The following ARHGEF4 variants were observed in gnomAD, a reference collection of about 807,000 sequenced individuals.
ARHGEF4 encodes APC-stimulated guanine nucleotide exchange factor 1.
A neutral mutation model predicts 162.0 loss-of-function variants in ARHGEF4; 119 were observed. The observed-to-expected ratio is 0.73, with a 90% CI of 0.63 to 0.86. ARHGEF4 has a LOEUF of 0.86. Ranked by LOEUF, ARHGEF4 falls within the 40% of genes least tolerant of loss-of-function variation. The pLI, the probability that ARHGEF4 is intolerant of heterozygous loss-of-function variation, is 0.00. For missense variants in ARHGEF4, 2,488 were observed against 2,456.0 expected (o/e 1.01, Z -0.28); for synonymous variants, 1,014 against 979.9 (o/e 1.03, Z -0.65).
chr2:131,028,682 C>T (rs571791071), intron 5 of ARHGEF4, among the ~76,000 whole-genome samples: 26 of 152,332 alleles, frequency 1.7e-4, no homozygotes, highest in South Asian at 1.2e-3. Context: ...GATGCTTTAA[C>T]GCCCCTCTCT....
chr2:131,035,449 A>T (rs1573680443), intron 5 of ARHGEF4: 2 of 251,128 alleles, frequency 8.0e-6, no homozygotes, highest in Non-Finnish European at 1.1e-5. Flanking sequence ...CGTGTGTCAC[A>T]GGGTCCTTCT....
At chr2:130,971,028 C>T (rs756187150) in intron 4 of ARHGEF4, among the ~76,000 whole-genome samples, 5 of 152,124 alleles carry the variant, frequency 3.3e-5, no homozygotes, top group African/African-American at 4.8e-5. Flanking sequence ...TTGTTTCCTT[C>T]TAGAAGGTTT....
At chr2:130,981,505 A>G (rs1205624188) in intron 4 of ARHGEF4, among the ~76,000 whole-genome samples, 5 of 151,992 alleles carry the variant, frequency 3.3e-5, no homozygotes, top group Non-Finnish European at 7.4e-5. Context: ...CAAAAAATAC[A>G]AAAGTTAGCC....
At chr2:130,962,940 A>G (rs879334629) in intron 4 of ARHGEF4, among the ~76,000 whole-genome samples, 9 of 152,102 alleles carry the variant, frequency 5.9e-5, no homozygotes, top group African/African-American at 2.2e-4. Flanking sequence ...TTGCATTTGC[A>G]TTTCATATCC....
intron 1 of ARHGEF4, chr2:130,837,449 G>C (rs2435834): frequency 0.081 from 26,600 of 329,584 alleles, 1,583 homozygotes; most frequent in East Asian, 0.18. Flanking sequence ...AGTGGTTGCT[G>C]TTGTTATTCC....
intron 4 of ARHGEF4, among the ~76,000 whole-genome samples, chr2:130,999,488 T>C (rs113283771): frequency 5.8e-4 from 89 of 152,156 alleles, no homozygotes; most frequent in Non-Finnish European, 5.4e-4. Flanking sequence ...GTATTTTTGA[T>C]ACCAGGTCTT....
intron 4 of ARHGEF4, among the ~76,000 whole-genome samples, chr2:130,980,807 T>C (rs879417896): frequency 4.6e-5 from 7 of 152,198 alleles, no homozygotes; most frequent in Admixed American, 1.3e-4. Context: ...TTAATCCAAG[T>C]GAATGTCACT....
chr2:130,881,296 G>A (rs762962761), intron 1 of ARHGEF4, among the ~76,000 whole-genome samples: 1 of 152,210 alleles, frequency 6.6e-6, no homozygotes, highest in Admixed American at 6.5e-5. Flanking sequence ...TTACAGGCAT[G>A]AGCCACCGCG....
intron 5 of ARHGEF4, chr2:131,035,567 C>A: frequency 1.3e-6 from 1 of 744,780 alleles, no homozygotes; most frequent in Non-Finnish European, 1.7e-6. Context: ...GGCTCCCCGG[C>A]TGCTTGTCTG....
chr2:130,867,804 G>C (rs1254000620), intron 1 of ARHGEF4, among the ~76,000 whole-genome samples: 1 of 152,100 alleles, frequency 6.6e-6, no homozygotes, highest in Non-Finnish European at 1.5e-5. Flanking sequence ...TCACGTTCCA[G>C]CCTTCTCCCC....
chr2:130,926,810 A>ATTTTGTTTTTTTTT (rs1682319851), intron 2 of ARHGEF4, among the ~76,000 whole-genome samples: 1 of 48,948 alleles, frequency 2.0e-5, no homozygotes, highest in Non-Finnish European at 3.6e-5. Flanking sequence ...CTTCTGGCTG[A>ATTTTGTTTTTTTTT]TTTTTTTTTT....
At chr2:130,837,385 A>G in intron 1 of ARHGEF4, 1 of 333,532 alleles carries the variant, frequency 3.0e-6, no homozygotes, top group Non-Finnish European at 5.7e-6. Context: ...CGCTTGGCGC[A>G]GTACCAGCTG....
rs184294579 is a variant in ARHGEF4 at position 131,004,923 on chromosome 2, G to A, written c.3986-23022G>A. On this transcript the variant is annotated intron_variant, in intron 4 of 13. Coordinates refer to ENST00000409359, the MANE Select transcript of ARHGEF4 (RefSeq NM_001367493.1). ...CCCTCCTCCAAAGTTTGGTTTGGAT[G>A]TGGAGAAGGATAACACCACACACAC... is the stretch of plus-strand genomic sequence containing the variant. 4.3e-3 allele frequency among the ~76,000 whole-genome samples: 652 copies of A among 152,318 alleles called. 8 individuals carry two copies. The highest frequency in any genetic ancestry group is 0.014 in the African/African-American group (587 of 41,570).
At chr2:130,886,766 A>G (rs927845014) in intron 1 of ARHGEF4, among the ~76,000 whole-genome samples, 1 of 151,792 alleles carries the variant, frequency 6.6e-6, no homozygotes, top group Non-Finnish European at 1.5e-5. Context: ...AAAAAAAATT[A>G]GTAATAATTC....
intron 5 of ARHGEF4, among the ~76,000 whole-genome samples, chr2:131,031,759 C>T (rs1402217194): frequency 1.3e-5 from 2 of 152,252 alleles, no homozygotes; most frequent in African/African-American, 4.8e-5. Flanking sequence ...ACCCCCAAGG[C>T]CATGGCCCAG....
At chr2:130,877,242 G>A (rs955916875) in intron 1 of ARHGEF4, among the ~76,000 whole-genome samples, 2 of 152,134 alleles carry the variant, frequency 1.3e-5, no homozygotes, top group African/African-American at 4.8e-5. Flanking sequence ...AGTGGAGAGG[G>A]GATGTGCTTT....
chr2:131,046,330 C>A lies in ARHGEF4; in HGVS notation c.*141C>A. The stretch of plus-strand genomic sequence containing the variant: ...TGGGGAGTTGCTTGTGCCACCAAGA[C>A]GTGCCAGGTCTGTACTCCTGTTGTC... On this transcript the variant is annotated 3_prime_UTR_variant, in exon 14 of 14. Coordinates refer to ENST00000409359, the MANE Select transcript of ARHGEF4 (RefSeq NM_001367493.1). 1 of 851,612 alleles carries A rather than the reference C, an allele frequency of 1.2e-6. No individual in the cohort carries two copies. Among genetic ancestry groups the A allele is most frequent in the Non-Finnish European group, 1.8e-6 (1 of 556,682 alleles). The allele number at this position is 851,612 out of a possible 1,614,324, so 52.8% of individuals were successfully genotyped here.
At chr2:130,843,249 G>A (rs1406700518) in intron 1 of ARHGEF4, among the ~76,000 whole-genome samples, 3 of 152,174 alleles carry the variant, frequency 2.0e-5, no homozygotes, top group Admixed American at 6.5e-5. Context: ...CATTTGTGGC[G>A]GAAGGAGGGT....
At chr2:131,039,156 G>T in intron 6 of ARHGEF4, 124 bp downstream of exon 6, 5 of 1,301,304 alleles carry the variant, frequency 3.8e-6, no homozygotes, top group Non-Finnish European at 5.1e-6. Context: ...GGTGGGTGTC[G>T]GGGCGCAGTG....
Sources: gnomAD v4.1 joint callset for allele counts (sites outside exome capture counted in the v4.1 genomes callset) on GRCh38, gnomAD v4.1.1 for gene constraint, MANE v1.5 for transcripts, NCBI Gene and HGNC (gene_info 2026-07-23, HGNC 2026-07-21) for gene names.